Variants in SLC39A8 observed in about 807,000 individuals in gnomAD.
SLC39A8 encodes metal cation symporter ZIP8.
SLC39A8 carries 15 observed loss-of-function variants against 40.4 expected under a neutral mutation model. The observed-to-expected ratio is 0.37, with a 90% CI of 0.25 to 0.57. The LOEUF is 0.57. SLC39A8 is among the 20% of genes least tolerant of loss of function. SLC39A8 has a pLI of 0.75. For missense variants in SLC39A8, 472 were observed against 558.8 expected (o/e 0.84, Z 1.57); for synonymous variants, 223 against 221.6 (o/e 1.01, Z -0.06).
intron 6 of SLC39A8, among the ~76,000 whole-genome samples, chr4:102,277,268 G>T (rs974372322): frequency 5.3e-5 from 8 of 152,208 alleles, no homozygotes; most frequent in African/African-American, 1.2e-4. Context: ...AACTCCTTAA[G>T]CTGCTAAGCA....
At chr4:102,253,737 AT>A (rs1731646559) in intron 11 of SLC39A8, among the ~76,000 whole-genome samples, 1 of 152,182 alleles carries the variant, frequency 6.6e-6, no homozygotes, top group African/African-American at 2.4e-5. Context: ...ATGATTCATA[AT>A]CCCATCGAGA....
chr4:102,257,587 TGGCTATACCCACTGA>T, downstream of SLC39A8, among the ~76,000 whole-genome samples: 1 of 152,324 alleles, frequency 6.6e-6, no homozygotes, highest in South Asian at 2.1e-4. Context: ...GTTCTCCATT[TGGCTATACCCACTGA>T]GGTCCATGTG....
At chr4:102,327,672 A>T (rs1735279132) in intron 2 of SLC39A8, among the ~76,000 whole-genome samples, 1 of 152,244 alleles carries the variant, frequency 6.6e-6, no homozygotes, top group Non-Finnish European at 1.5e-5. Flanking sequence ...TCTACAGAGA[A>T]TGGACTTCTT....
chr4:102,320,192 T>A (rs1187000476), intron 2 of SLC39A8, among the ~76,000 whole-genome samples: 1 of 87,926 alleles, frequency 1.1e-5, no homozygotes, highest in Non-Finnish European at 2.5e-5. Flanking sequence ...TATATATATG[T>A]ATATATATAT....
chr4:102,292,628 T>C (rs901426098), intron 6 of SLC39A8, among the ~76,000 whole-genome samples: 10 of 152,090 alleles, frequency 6.6e-5, no homozygotes, highest in African/African-American at 2.4e-4. Context: ...TTCGATGACT[T>C]TGAACCAAGT....
chr4:102,276,446 G>A (rs555860800), intron 6 of SLC39A8, among the ~76,000 whole-genome samples: 3 of 151,984 alleles, frequency 2.0e-5, no homozygotes, highest in Admixed American at 6.6e-5. Context: ...GGAAGAAGTC[G>A]AAACCCTGAA....
intron 2 of SLC39A8, among the ~76,000 whole-genome samples, chr4:102,338,477 C>T (rs1446606785): frequency 1.2e-4 from 18 of 152,258 alleles, no homozygotes; most frequent in South Asian, 8.3e-4. Flanking sequence ...TTAGCCACCG[C>T]GCCCAGCCTC....
chr4:102,311,090 T>A (rs1388910649), intron 3 of SLC39A8, among the ~76,000 whole-genome samples: 1 of 152,074 alleles, frequency 6.6e-6, no homozygotes, highest in African/African-American at 2.4e-5. Context: ...ACTGTGAAAC[T>A]GTATAGAATG....
intron 8 of SLC39A8, among the ~76,000 whole-genome samples, chr4:102,263,447 TA>T (rs1553911248): frequency 6.6e-6 from 1 of 152,142 alleles, no homozygotes; most frequent in Non-Finnish European, 1.5e-5. Context: ...TACCATAATT[TA>T]AAAAAATACT....
At chr4:102,279,691 T>A (rs1732786652) in intron 6 of SLC39A8, among the ~76,000 whole-genome samples, 1 of 152,188 alleles carries the variant, frequency 6.6e-6, no homozygotes, top group Non-Finnish European at 1.5e-5. Context: ...GCTGCAGCTA[T>A]AATTAATGTT....
chr4:102,341,630 T>C (rs2149058177), intron 2 of SLC39A8, among the ~76,000 whole-genome samples: 1 of 152,350 alleles, frequency 6.6e-6, no homozygotes, highest in South Asian at 2.1e-4. Flanking sequence ...CTCTTCGCAC[T>C]GTCAGTAGCT....
At chr4:102,299,028 C>T (rs1733795174) in intron 6 of SLC39A8, among the ~76,000 whole-genome samples, 1 of 151,936 alleles carries the variant, frequency 6.6e-6, no homozygotes, top group African/African-American at 2.4e-5. Flanking sequence ...GGAAAGTGAA[C>T]TAGAGAGACC....
Position 102,262,580 on chromosome 4 carries a change from T to C in SLC39A8, c.*464A>G. 1.0e-6 allele frequency: 1 copy of C among 985,432 alleles called. No homozygotes were observed. The highest frequency in any genetic ancestry group is 1.2e-6 in the Non-Finnish European group (1 of 829,788). 61.0% of individuals were successfully genotyped at this position (985,432 alleles called of 1,614,324 possible). On this transcript the variant is annotated 3_prime_UTR_variant, in exon 9 of 9. Coordinates refer to ENST00000356736, the MANE Select transcript of SLC39A8 (RefSeq NM_001135146.2). Reference sequence around the variant, plus strand: ...TAATTTATATTAGTGTTGCATACATTTTACCTTCTACATTTTGATGTACTT... The same window carrying C: ...TAATTTATATTAGTGTTGCATACATCTTACCTTCTACATTTTGATGTACTT...
chr4:102,337,507 A>G (rs1178260171), intron 2 of SLC39A8, among the ~76,000 whole-genome samples: 2 of 152,136 alleles, frequency 1.3e-5, no homozygotes, highest in Non-Finnish European at 2.9e-5. Flanking sequence ...AGAAAGCTCA[A>G]ACTGCCTCCT....
intron 6 of SLC39A8, among the ~76,000 whole-genome samples, chr4:102,285,628 G>GGTGTGT (rs59048258): frequency 0.21 from 32,032 of 149,884 alleles, 3,496 homozygotes; most frequent in Non-Finnish European, 0.24. Flanking sequence ...TATAGATGAG[G>GGTGTGT]GTGTGTGTGT....
chr4:102,302,422 C>T (rs1052693027), intron 6 of SLC39A8, among the ~76,000 whole-genome samples: 1 of 152,020 alleles, frequency 6.6e-6, no homozygotes, highest in African/African-American at 2.4e-5. Flanking sequence ...AGAATTTAGA[C>T]ACATGGTATA....
Position 102,305,099 on chromosome 4 carries a change from C to G in SLC39A8, c.565G>C (p.Asp189His). Reference sequence around the variant, plus strand: ...TCAACATAACTGTCGACTTTGGGATCAAATCCAAATGCCTAAGGGAGAAAA... The same window carrying G: ...TCAACATAACTGTCGACTTTGGGATGAAATCCAAATGCCTAAGGGAGAAAA... ...FQLIPEAFGF[D>H]PKVDSYVEKA... The change falls in exon 5 of 9, where the codon GAT (aspartate) becomes CAT (histidine). Residue 189 changes from aspartate to histidine, a missense_variant. By Grantham distance (81) the Asp-to-His change is moderately conservative. Coordinates refer to ENST00000356736, the MANE Select transcript of SLC39A8 (RefSeq NM_001135146.2). The G allele has an allele frequency of 6.2e-7, 1 of 1,607,100 alleles. No individual in the cohort carries two copies. Among genetic ancestry groups the G allele is most frequent in the Non-Finnish European group, 8.5e-7 (1 of 1,177,240 alleles).
At chr4:102,316,959 G>T (rs1010930100) in intron 2 of SLC39A8, among the ~76,000 whole-genome samples, 6 of 152,156 alleles carry the variant, frequency 3.9e-5, no homozygotes, top group African/African-American at 1.4e-4. Flanking sequence ...GCGAGAAAAT[G>T]CTCTCTGTGA....
In SLC39A8 at chr4:102,343,796, A is replaced by T. The variant is rs184900726; in HGVS notation, c.219+648T>A. Among the ~76,000 whole-genome samples, 251 of 152,266 alleles carry T rather than the reference A, an allele frequency of 1.6e-3. 1 individual carries two copies. The highest frequency in any genetic ancestry group is 5.9e-3 in the African/African-American group (243 of 41,536). ...TAGTACCCTGTTTATTACTGAAAAA[A>T]TTTTTTTAATCATTTTGGATAAATA... is the stretch of plus-strand genomic sequence containing the variant. On this transcript the variant is annotated intron_variant, in intron 2 of 8. Transcript: ENST00000356736.
Sources: allele counts gnomAD v4.1 joint callset (sites outside exome capture counted in the v4.1 genomes callset), GRCh38; gene constraint gnomAD v4.1.1; transcripts MANE v1.5; gene names NCBI Gene and HGNC (gene_info 2026-07-23, HGNC 2026-07-21).